Variants in COL5A2 observed in about 807,000 individuals in gnomAD.
COL5A2 encodes the protein collagen type V alpha 2 chain.
COL5A2 carries 23 observed loss-of-function variants against 208.2 expected under a neutral mutation model. The ratio of observed to expected loss-of-function variants is 0.11; its 90% confidence interval spans 0.08 to 0.16. The LOEUF (loss-of-function observed/expected upper bound fraction) is 0.16, where lower values mean the gene tolerates loss of function less well. Ranked by LOEUF, COL5A2 falls within the 10% of genes least tolerant of loss-of-function variation. The pLI is 1.00. For synonymous variants in COL5A2, 625 were observed against 628.5 expected, an observed-to-expected ratio of 0.99 and a Z score of 0.08; for missense variants, 1,590 against 1,956.4, an observed-to-expected ratio of 0.81 and a Z score of 3.53.
At chr2:189,099,325 A>G (rs1038664501) in intron 4 of COL5A2, among the ~76,000 whole-genome samples, 2 of 152,202 alleles carry the variant, frequency 1.3e-5, no homozygotes, top group Admixed American at 1.3e-4. Flanking sequence ...AAATAAATCA[A>G]CATGCATATT....
chr2:189,134,170 T>A (rs1687780722), intron 1 of COL5A2, among the ~76,000 whole-genome samples: 1 of 152,194 alleles, frequency 6.6e-6, no homozygotes, highest in South Asian at 2.1e-4. Context: ...ATGCAGAACC[T>A]TATGCATTCT....
chr2:189,093,474 G>C (rs75653263), intron 6 of COL5A2, among the ~76,000 whole-genome samples: 6,705 of 152,180 alleles, frequency 0.044, 518 homozygotes, highest in African/African-American at 0.15. Context: ...AGCAAACACA[G>C]GACAAGCTCA....
intron 1 of COL5A2, among the ~76,000 whole-genome samples, chr2:189,191,158 A>AAAAAAAAAAAAAAAAAAAAC (rs764677628): frequency 7.6e-6 from 1 of 130,744 alleles, no homozygotes; most frequent in African/African-American, 2.7e-5. Flanking sequence ...AAAACAAAAA[A>AAAAAAAAAAAAAAAAAAAAC]CAAACAAACA....
chr2:189,052,913 G>A lies in COL5A2; in HGVS notation c.2659C>T (p.His887Tyr). 6.2e-7 allele frequency: 1 copy of A among 1,613,968 alleles called. No homozygotes were observed. The highest frequency in any genetic ancestry group is 8.5e-7 in the Non-Finnish European group (1 of 1,179,898). Reference sequence around the variant, plus strand: ...ATGCCTTTTTCTTGTTAACTTACATGAGGGCCAGGGGATCCTGCTAAACCT... The same window carrying A: ...ATGCCTTTTTCTTGTTAACTTACATAAGGGCCAGGGGATCCTGCTAAACCT... ...PQGLAGSPGP[H>Y]GPNGVPGLKG... The change falls in exon 39 of 54, where the codon CAT becomes TAT. Residue 887 changes from histidine (H) to tyrosine (Y), a missense_variant and splice_region_variant. Coordinates refer to ENST00000374866, the MANE Select transcript of COL5A2 (RefSeq NM_000393.5).
intron 1 of COL5A2, among the ~76,000 whole-genome samples, chr2:189,164,598 G>T (rs1053905906): frequency 3.3e-5 from 5 of 151,874 alleles, no homozygotes; most frequent in Non-Finnish European, 5.9e-5. Flanking sequence ...CTTCAGAGAA[G>T]AATTTTATTT....
chr2:189,039,098 T>C (rs182298156), intron 51 of COL5A2, among the ~76,000 whole-genome samples, 174 bp downstream of exon 51: 2 of 152,328 alleles, frequency 1.3e-5, no homozygotes, highest in Non-Finnish European at 2.9e-5. Flanking sequence ...ATTTTTTTCA[T>C]GTTTTCACAA....
intron 35 of COL5A2, among the ~76,000 whole-genome samples, chr2:189,055,328 C>T (rs1336339804): frequency 6.6e-6 from 1 of 152,198 alleles, no homozygotes; most frequent in Non-Finnish European, 1.5e-5. Flanking sequence ...CCTGAGTCTT[C>T]TTGACAGGTA....
At chr2:189,368,006 C>T in the COL5A2 span, among the ~76,000 whole-genome samples, 1 of 152,122 alleles carries the variant, frequency 6.6e-6, no homozygotes, top group Admixed American at 6.6e-5. Flanking sequence ...TATTTTCCAA[C>T]TCTTCTACCT....
chr2:189,287,183 AT>A, the COL5A2 span, among the ~76,000 whole-genome samples: 6 of 152,218 alleles, frequency 3.9e-5, no homozygotes, highest in East Asian at 1.9e-4. Flanking sequence ...TAAAAAAAAA[AT>A]AGTACCAAAT....
chr2:189,295,001 G>A, the COL5A2 span, among the ~76,000 whole-genome samples: 2 of 152,022 alleles, frequency 1.3e-5, no homozygotes, highest in South Asian at 4.2e-4. Context: ...TAGAGACAGG[G>A]TCTCGCTTTA....
At chr2:189,121,025 C>T (rs551241811) in intron 1 of COL5A2, among the ~76,000 whole-genome samples, 3 of 151,846 alleles carry the variant, frequency 2.0e-5, no homozygotes, top group South Asian at 4.1e-4. Flanking sequence ...TTACAGACTA[C>T]TGAGAGAACC....
chr2:189,387,648 G>A, the COL5A2 span, among the ~76,000 whole-genome samples: 1 of 152,026 alleles, frequency 6.6e-6, no homozygotes, highest in African/African-American at 2.4e-5. Context: ...TCCACTTCTG[G>A]GACTCTAGCC....
chr2:189,074,349 G>A (rs1686349666), intron 17 of COL5A2, among the ~76,000 whole-genome samples: 1 of 152,032 alleles, frequency 6.6e-6, no homozygotes. Flanking sequence ...GTGAATTAAA[G>A]GTTCATAGTT....
chr2:189,124,352 C>T (rs557831502), intron 1 of COL5A2, among the ~76,000 whole-genome samples: 293 of 152,154 alleles, frequency 1.9e-3, no homozygotes, highest in Admixed American at 5.0e-3. Flanking sequence ...AAGACTATCT[C>T]CATGACATGA....
intron 11 of COL5A2, among the ~76,000 whole-genome samples, chr2:189,084,761 T>C (rs1686613876): frequency 6.6e-6 from 1 of 152,220 alleles, no homozygotes; most frequent in South Asian, 2.1e-4. Flanking sequence ...ATTGGCACTA[T>C]ACTACTAACA....
At chr2:189,085,111 C>A in intron 11 of COL5A2, 49 bp downstream of exon 11, 2 of 1,425,072 alleles carry the variant, frequency 1.4e-6, no homozygotes, top group Non-Finnish European at 2.0e-6. Context: ...ACATTTTAAC[C>A]CCTTCGCCTC....
At chr2:189,173,756 TA>T (rs1688619390) in intron 1 of COL5A2, among the ~76,000 whole-genome samples, 1 of 152,178 alleles carries the variant, frequency 6.6e-6, no homozygotes, top group African/African-American at 2.4e-5. Context: ...TAGTGAAAAT[TA>T]TAGTTTCATG....
intron 1 of COL5A2, among the ~76,000 whole-genome samples, chr2:189,170,945 C>T (rs1011681131): frequency 2.0e-5 from 3 of 152,004 alleles, no homozygotes; most frequent in Non-Finnish European, 2.9e-5. Context: ...ATGTGTAAAA[C>T]GGATTCATGG....
At chr2:189,153,938 G>T (rs1328545668) in intron 1 of COL5A2, among the ~76,000 whole-genome samples, 2 of 152,062 alleles carry the variant, frequency 1.3e-5, no homozygotes, top group Admixed American at 6.6e-5. Flanking sequence ...CTAAGATTCT[G>T]CATTGCCTTT....
Sources: allele counts gnomAD v4.1 joint callset (sites outside exome capture counted in the v4.1 genomes callset), GRCh38; gene constraint gnomAD v4.1.1; transcripts MANE v1.5; gene names NCBI Gene and HGNC (gene_info 2026-07-23, HGNC 2026-07-21).